Variants in PLCB1 observed in about 807,000 individuals in gnomAD.
The protein encoded by PLCB1 is 1-phosphatidylinositol 4,5-bisphosphate phosphodiesterase beta-1.
PLCB1 carries 46 observed loss-of-function variants against 161.8 expected under a neutral mutation model. The ratio of observed to expected loss-of-function variants is 0.28; its 90% CI spans 0.22 to 0.36. PLCB1 has a LOEUF of 0.36. Ranked by LOEUF, PLCB1 falls within the 10% of genes least tolerant of loss-of-function variation. The pLI is 1.00. For missense variants in PLCB1, 1,016 were observed against 1,472.5 expected (o/e 0.69, Z 5.07); for synonymous variants, 517 against 503.7 (o/e 1.03, Z -0.35).
chr20:8,622,685 T>C (rs1157423044), intron 3 of PLCB1, among the ~76,000 whole-genome samples: 1 of 152,218 alleles, frequency 6.6e-6, no homozygotes, highest in Non-Finnish European at 1.5e-5. Context: ...AAAGACCTTC[T>C]TCCCTCCTTG....
At chr20:8,636,383 A>G (rs1415840772) in intron 4 of PLCB1, among the ~76,000 whole-genome samples, 1 of 152,340 alleles carries the variant, frequency 6.6e-6, no homozygotes, top group East Asian at 1.9e-4. Context: ...GGAATTTTAT[A>G]CTGGTAGGTG....
chr20:8,490,851 T>C (rs912923324), intron 3 of PLCB1, among the ~76,000 whole-genome samples: 3 of 140,524 alleles, frequency 2.1e-5, no homozygotes, highest in Admixed American at 6.8e-5. Context: ...TGTTGGCTCA[T>C]ATATATAGGC....
At chr20:8,168,218 G>A (rs2051694707) in intron 2 of PLCB1, among the ~76,000 whole-genome samples, 1 of 152,214 alleles carries the variant, frequency 6.6e-6, no homozygotes, top group South Asian at 2.1e-4. Flanking sequence ...GATCTGAAAA[G>A]TCACACTGCA....
intron 31 of PLCB1, among the ~76,000 whole-genome samples, chr20:8,836,547 G>A (rs1986292839): frequency 9.2e-6 from 1 of 109,218 alleles, no homozygotes; most frequent in East Asian, 4.5e-4. Context: ...GAGGTTTCTG[G>A]CATTGGTTCT....
chr20:8,254,939 A>G (rs1006937501), intron 2 of PLCB1, among the ~76,000 whole-genome samples: 7 of 152,176 alleles, frequency 4.6e-5, no homozygotes, highest in African/African-American at 7.2e-5. Flanking sequence ...ATATATTTGA[A>G]AAATGCTTTG....
intron 2 of PLCB1, among the ~76,000 whole-genome samples, chr20:8,198,827 C>G (rs1050964522): frequency 6.6e-6 from 1 of 151,764 alleles, no homozygotes. Context: ...TTACATGAAG[C>G]AAGAACAAAT....
At chr20:8,510,957 A>G (rs1350648196) in intron 3 of PLCB1, among the ~76,000 whole-genome samples, 2 of 152,212 alleles carry the variant, frequency 1.3e-5, no homozygotes, top group African/African-American at 2.4e-5. Flanking sequence ...ACTAGTTATC[A>G]TATCCATCAC....
At chr20:8,283,317 A>G (rs952548495) in intron 2 of PLCB1, among the ~76,000 whole-genome samples, 16 of 152,138 alleles carry the variant, frequency 1.1e-4, no homozygotes, top group African/African-American at 3.9e-4. Flanking sequence ...CCAGAATGCA[A>G]AAAAGTATAA....
chr20:8,816,457 G>C (rs1313856407), intron 31 of PLCB1, among the ~76,000 whole-genome samples: 1 of 152,174 alleles, frequency 6.6e-6, no homozygotes, highest in African/African-American at 2.4e-5. Flanking sequence ...ATGAAAGTTT[G>C]AAGAGTAAAG....
rs964324402 is a variant in PLCB1, at chr20:8,852,980, A to G, written c.3424-28642A>G. Among the ~76,000 whole-genome samples, 9 of 152,286 alleles carry G rather than the reference A, an allele frequency of 5.9e-5. No homozygotes were observed. The South Asian group carries it at 1.9e-3, about 32-fold the overall frequency. ...AGCCCCCATATCCATTGGGGACATGAGTGTCAGGCAGGTCAGGTGAGTGTC... is the reference window on the plus strand; with the variant it reads ...AGCCCCCATATCCATTGGGGACATGGGTGTCAGGCAGGTCAGGTGAGTGTC... On this transcript the variant is annotated intron_variant, in intron 31 of 31. Transcript: ENST00000338037.
chr20:8,695,203 A>G (rs550969565), intron 10 of PLCB1, among the ~76,000 whole-genome samples: 20 of 152,332 alleles, frequency 1.3e-4, no homozygotes, highest in African/African-American at 4.3e-4. Context: ...CAGTGCATTT[A>G]CCAGGGCTCT....
At chr20:8,861,411 G>T (rs1310873770) in intron 31 of PLCB1, among the ~76,000 whole-genome samples, 1 of 152,160 alleles carries the variant, frequency 6.6e-6, no homozygotes, top group African/African-American at 2.4e-5. Context: ...TGGTTAAAAG[G>T]CAGGCTAGCC....
At chr20:8,551,005 T>C (rs112016042) in intron 3 of PLCB1, among the ~76,000 whole-genome samples, 5 of 152,338 alleles carry the variant, frequency 3.3e-5, no homozygotes, top group African/African-American at 1.2e-4. Context: ...TATCCAATAA[T>C]GTCTGGGCTA....
chr20:8,785,341 C>G (rs906831189), intron 27 of PLCB1, among the ~76,000 whole-genome samples: 1 of 152,062 alleles, frequency 6.6e-6, no homozygotes, highest in Non-Finnish European at 1.5e-5. Flanking sequence ...CGAGAACTTA[C>G]ATTTCTAATG....
chr20:8,803,802 TTTG>T lies in PLCB1; in HGVS notation c.3423+13544_3423+13546del, dbSNP rs1984398735. Among the ~76,000 whole-genome samples the T allele has an allele frequency of 3.3e-5, 5 of 151,954 alleles. 1 individual carries two copies. In the South Asian group the frequency reaches 1.0e-3, roughly 32 times the overall value. The stretch of plus-strand genomic sequence containing the variant: ...TTTTGTTTGTTTGTTTGTTTGTTTG[TTTG>T]TTTTTGAGACATTGTTTCGCTCTTG... On this transcript the variant is annotated intron_variant, in intron 31 of 31. Coordinates refer to ENST00000338037, the MANE Select transcript of PLCB1 (RefSeq NM_015192.4).
At chr20:8,744,842 C>G (rs1011735399) in intron 23 of PLCB1, among the ~76,000 whole-genome samples, 12 of 151,870 alleles carry the variant, frequency 7.9e-5, no homozygotes, top group Non-Finnish European at 1.5e-4. Flanking sequence ...GGTTGTAGGG[C>G]TCTTTTCACA....
intron 31 of PLCB1, among the ~76,000 whole-genome samples, chr20:8,818,677 G>T (rs960607689): frequency 6.6e-6 from 1 of 152,024 alleles, no homozygotes; most frequent in Admixed American, 6.6e-5. Context: ...GTTATTATTG[G>T]GTATAACATC....
intron 3 of PLCB1, among the ~76,000 whole-genome samples, chr20:8,392,897 G>A (rs1987653996): frequency 6.6e-6 from 1 of 152,024 alleles, no homozygotes; most frequent in Non-Finnish European, 1.5e-5. Context: ...CCTATCTATG[G>A]CATTTATCTT....
chr20:8,180,324 G>A (rs1279711090), intron 2 of PLCB1, among the ~76,000 whole-genome samples: 1 of 152,134 alleles, frequency 6.6e-6, no homozygotes, highest in Non-Finnish European at 1.5e-5. Context: ...TGGTGGATTA[G>A]CTTTTTGATG....
Sources: allele counts gnomAD v4.1 joint callset (sites outside exome capture counted in the v4.1 genomes callset), GRCh38; gene constraint gnomAD v4.1.1; transcripts MANE v1.5; gene names NCBI Gene and HGNC (gene_info 2026-07-23, HGNC 2026-07-21).